The following SH2D3A variants were observed in gnomAD, a reference collection of about 807,000 sequenced individuals.
The protein encoded by SH2D3A is SH2 domain containing 3A.
A neutral mutation model predicts 50.6 loss-of-function variants in SH2D3A; 46 were observed. The observed-to-expected ratio is 0.91, with a 90% CI of 0.72 to 1.16. The LOEUF is 1.16. SH2D3A is among the 50% of genes most tolerant of loss of function. The pLI is 0.00. For synonymous variants in SH2D3A, 377 were observed against 348.4 expected, an observed-to-expected ratio of 1.08 and a Z score of -0.91; for missense variants, 783 against 786.2, an observed-to-expected ratio of 1.00 and a Z score of 0.05.
intron 9 of SH2D3A, chr19:6,753,224 TG>T: frequency 1.0e-6 from 1 of 985,290 alleles, no homozygotes; most frequent in Non-Finnish European, 1.2e-6. Flanking sequence ...GAGGTGGCTC[TG>T]GGGGCAGGAC....
At position 6,760,941 on chromosome 19, in the gene SH2D3A, G is replaced by A. The variant is rs1969981455; in HGVS notation, c.116C>T (p.Ala39Val). ...GGGGTTGCCCCCACGGGACCCAGAG[G>A]CGCGAACCAGGAAGTCGCCATTTTG... The part of the protein sequence containing the change: ...LQQNGDFLVR[A>V]SGSRGGNPVI... Residue 39 changes from alanine to valine, a missense_variant, in exon 3 of 10, where the codon GCC becomes GTC. By Grantham distance (64) the Ala-to-Val change is moderately conservative. Coordinates refer to ENST00000245908, the MANE Select transcript of SH2D3A (RefSeq NM_005490.3). 6.2e-7 allele frequency: 1 copy of A among 1,613,534 alleles called. No homozygotes were observed. The highest frequency in any genetic ancestry group is 1.3e-5 in the African/African-American group (1 of 74,938).
intron 1 of SH2D3A, among the ~76,000 whole-genome samples, chr19:6,765,390 C>T (rs1970252863): frequency 6.6e-6 from 1 of 152,042 alleles, no homozygotes; most frequent in South Asian, 2.1e-4. Context: ...TCTCGGCAAC[C>T]TATGCGCACA....
chr19:6,754,015 G>C, intron 8 of SH2D3A, 37 bp downstream of exon 8: 1 of 1,551,082 alleles, frequency 6.4e-7, no homozygotes, highest in South Asian at 1.2e-5. Context: ...TTTGGTCTGG[G>C]CCCCCAGGGG....
chr19:6,762,944 G>A (rs1970110420), intron 2 of SH2D3A, among the ~76,000 whole-genome samples: 1 of 152,048 alleles, frequency 6.6e-6, no homozygotes, highest in African/African-American at 2.4e-5. Flanking sequence ...CTCAATTATG[G>A]GATTTTAACT....
At chr19:6,765,758 A>AG (rs1970273084) in intron 1 of SH2D3A, among the ~76,000 whole-genome samples, 1 of 151,920 alleles carries the variant, frequency 6.6e-6, no homozygotes, top group Admixed American at 6.6e-5. Flanking sequence ...AAAAAAAAAA[A>AG]AAAAAAAAAG....
chr19:6,752,561 G>C lies in SH2D3A; in HGVS notation c.*32C>G. ...CTTCTGGGGTTCGCAAAAACCTGGG[G>C]GTCCCGGGTGTGAAGAAGGGTGTCT... On this transcript the variant is annotated 3_prime_UTR_variant, in exon 10 of 10. Coordinates refer to ENST00000245908, the MANE Select transcript of SH2D3A (RefSeq NM_005490.3). The C allele has an allele frequency of 6.7e-7, 1 of 1,493,810 alleles. No individual in the cohort carries two copies. 92.5% of individuals were successfully genotyped at this position (1,493,810 alleles called of 1,614,324 possible). A position where few individuals can be genotyped will look rare whatever the true frequency, so the allele number is the denominator to read the frequency against.
chr19:6,764,225 T>G (rs1675877475), intron 1 of SH2D3A: 1 of 151,070 alleles, frequency 6.6e-6, no homozygotes, highest in South Asian at 2.1e-4. Flanking sequence ...CACGCAGACT[T>G]TTTTTTTTAC....
chr19:6,764,497 A>G (rs996537065), intron 1 of SH2D3A: 2 of 152,204 alleles, frequency 1.3e-5, no homozygotes, highest in Admixed American at 6.6e-5. Flanking sequence ...ACCCCTATTT[A>G]TTCAGCACCT....
chr19:6,753,181 G>A lies in SH2D3A; in HGVS notation c.1570+275C>T, dbSNP rs1311527894. On this transcript the variant is annotated intron_variant, in intron 9 of 9. Transcript: ENST00000245908. ...ATCGAGATCCCTGGGGGACGGGATC[G>A]TCTTAGGTGGGAAGGGGGAGTGGGG... 8.1e-6 allele frequency: 8 copies of A among 985,124 alleles called. No individual in the cohort carries two copies. In the East Asian group the frequency reaches 7.9e-4, roughly 98 times the overall value. 61.0% of individuals were successfully genotyped at this position (985,124 alleles called of 1,614,324 possible).
intron 3 of SH2D3A, 23 bp downstream of exon 3, chr19:6,760,615 G>A (rs779463885): frequency 7.6e-5 from 115 of 1,508,718 alleles, no homozygotes; most frequent in Non-Finnish European, 9.1e-5. Context: ...GTGTTCTCAA[G>A]GAGGCAGGGA....
intron 8 of SH2D3A, 85 bp downstream of exon 8, chr19:6,753,967 C>G (rs894984083): frequency 9.1e-6 from 13 of 1,435,942 alleles, no homozygotes; most frequent in South Asian, 1.4e-5. Context: ...AGAACAGATG[C>G]AGGGACTGGG....
intron 3 of SH2D3A, 46 bp downstream of exon 3, chr19:6,760,592 C>T (rs1171757117): frequency 5.2e-5 from 75 of 1,447,970 alleles, no homozygotes; most frequent in Non-Finnish European, 6.5e-5. Flanking sequence ...TTGGAAAACC[C>T]TGCGAGTGTT....
intron 4 of SH2D3A, chr19:6,757,699 C>G (rs918366473): frequency 5.3e-5 from 8 of 152,232 alleles, no homozygotes; most frequent in Non-Finnish European, 1.0e-4. Flanking sequence ...AATCCCAGCA[C>G]TTTGGGAGGT....
chr19:6,754,408 A>G lies in SH2D3A; in HGVS notation c.1115T>C (p.Leu372Pro), dbSNP rs746877523. 77 of 1,524,796 alleles carry G rather than the reference A, an allele frequency of 5.0e-5. No homozygotes were observed. Among genetic ancestry groups the G allele is most frequent in the Non-Finnish European group, 6.6e-5 (76 of 1,147,606 alleles). The allele number at this position is 1,524,796 out of a possible 1,614,324, so 94.5% of individuals were successfully genotyped here. Residue 372 changes from leucine to proline, a missense_variant, in exon 7 of 10, where the codon CTG (leucine) becomes CCG (proline). By Grantham distance (98) the Leu-to-Pro change is moderately conservative. Coordinates refer to ENST00000245908, the MANE Select transcript of SH2D3A (RefSeq NM_005490.3). ...ELLERHQTLALAGALAVLGCS... is the reference protein window; with the variant it reads ...ELLERHQTLAPAGALAVLGCS... ...GCCCAGCACCGCCAGCGCCCCGGCC[A>G]GCGCCAGTGTCTGATGCCTGCAGAG...
chr19:6,761,240 T>C (rs1489888832), intron 2 of SH2D3A: 3 of 487,072 alleles, frequency 6.2e-6, no homozygotes, highest in Admixed American at 7.5e-5. Flanking sequence ...GGATGTGGGG[T>C]AGAAGGGCTA....
At chr19:6,766,196 T>C (rs1029118336) in intron 1 of SH2D3A, among the ~76,000 whole-genome samples, 5 of 152,182 alleles carry the variant, frequency 3.3e-5, no homozygotes, top group African/African-American at 1.2e-4. Context: ...GTCTTTGCAA[T>C]GCCTGCGCAC....
At chr19:6,752,955 G>T in intron 9 of SH2D3A, 1 of 985,410 alleles carries the variant, frequency 1.0e-6, no homozygotes, top group Non-Finnish European at 1.2e-6. Flanking sequence ...GGGTGCCTGA[G>T]GGGCTCTACC....
In SH2D3A at chr19:6,763,836, A is replaced by G; in HGVS notation, c.-68-20T>C. The stretch of plus-strand genomic sequence containing the variant: ...CCACATCTGTAAAAGGGGAATAATT[A>G]GCCCTGCTTGAGTGTCTGGGTCAGC... On this transcript the variant is annotated intron_variant, in intron 1 of 9. Coordinates refer to ENST00000245908, the MANE Select transcript of SH2D3A (RefSeq NM_005490.3). 2 of 1,040,754 alleles carry G rather than the reference A, an allele frequency of 1.9e-6. No individual in the cohort carries two copies. The highest frequency in any genetic ancestry group is 2.8e-6 in the Non-Finnish European group (2 of 704,426). 64.5% of individuals were successfully genotyped at this position (1,040,754 alleles called of 1,614,324 possible).
At position 6,760,685 on chromosome 19, in the gene SH2D3A, A is replaced by G; in HGVS notation, c.372T>C (p.Phe124=). Residue 124 remains phenylalanine, a synonymous_variant, in exon 3 of 10, where the codon TTT becomes TTC. Coordinates refer to ENST00000245908, the MANE Select transcript of SH2D3A (RefSeq NM_005490.3). ...GGCCATCCATCAGGGTGTCCTCGCT[A>G]AAGCTGCGTCGCAGAGGCCCCTGCC... ...VTWQGPLRRS[F]SEDTLMDGPA... The G allele has an allele frequency of 1.2e-6, 2 of 1,611,104 alleles. No individual in the cohort carries two copies. Among genetic ancestry groups the G allele is most frequent in the East Asian group, 4.5e-5 (2 of 44,800 alleles).
Sources: gnomAD v4.1 joint callset for allele counts (sites outside exome capture counted in the v4.1 genomes callset) on GRCh38, gnomAD v4.1.1 for gene constraint, MANE v1.5 for transcripts, NCBI Gene and HGNC (gene_info 2026-07-23, HGNC 2026-07-21) for gene names.